SND1: variants seen among roughly 807,000 people sequenced by gnomAD.
SND1 encodes the protein staphylococcal nuclease domain-containing protein 1.
SND1 carries 38 observed loss-of-function variants against 121.7 expected under a neutral mutation model. That is an observed-to-expected ratio of 0.31 (90% CI 0.24 to 0.41). The LOEUF is 0.41. SND1 is among the 10% of genes least tolerant of loss of function. The probability of loss-of-function intolerance (pLI) is 1.00; values close to 1 mark genes in which losing one functional copy is unlikely to be tolerated. For synonymous variants in SND1, 401 were observed against 447.4 expected (o/e 0.90, Z 1.31); for missense variants, 868 against 1,184.6 (o/e 0.73, Z 3.92).
intron 12 of SND1, among the ~76,000 whole-genome samples, chr7:127,846,484 G>C (rs1007806675): frequency 6.6e-6 from 1 of 152,152 alleles, no homozygotes; most frequent in Non-Finnish European, 1.5e-5. Context: ...GGAATTTACT[G>C]ATACTGAAAC....
intron 11 of SND1, among the ~76,000 whole-genome samples, chr7:127,813,987 G>A (rs1409295110): frequency 6.6e-6 from 1 of 152,146 alleles, no homozygotes; most frequent in Non-Finnish European, 1.5e-5. Flanking sequence ...CTCACCTGAG[G>A]GAAATGATTT....
At chr7:127,899,192 G>C (rs3808086) in intron 13 of SND1, among the ~76,000 whole-genome samples, 43,205 of 151,942 alleles carry the variant, frequency 0.28, 7,698 homozygotes, top group East Asian at 0.71. Flanking sequence ...TCTAGATACA[G>C]AAATAAAGAT....
intron 15 of SND1, among the ~76,000 whole-genome samples, chr7:127,931,033 G>A (rs955517143): frequency 6.6e-6 from 1 of 151,934 alleles, no homozygotes; most frequent in African/African-American, 2.4e-5. Context: ...AATTGTTTCG[G>A]GTCGCCATGA....
intron 12 of SND1, among the ~76,000 whole-genome samples, chr7:127,874,397 T>TA (rs1353598860): frequency 6.6e-6 from 1 of 152,114 alleles, no homozygotes; most frequent in Non-Finnish European, 1.5e-5. Context: ...TAATGACTGT[T>TA]ATCATTTTTT....
At chr7:127,742,495 AC>A (rs1407322531) in intron 10 of SND1, among the ~76,000 whole-genome samples, 1 of 151,424 alleles carries the variant, frequency 6.6e-6, no homozygotes, top group East Asian at 1.9e-4. Context: ...TTCCTGCAAT[AC>A]TTTTTTTTTT....
At chr7:128,002,228 A>G (rs187101799) in intron 16 of SND1, among the ~76,000 whole-genome samples, 1 of 152,330 alleles carries the variant, frequency 6.6e-6, no homozygotes, top group Non-Finnish European at 1.5e-5. Context: ...GATCCTTCTC[A>G]AAACAGGGAT....
intron 16 of SND1, among the ~76,000 whole-genome samples, chr7:128,033,684 A>C (rs1414743850): frequency 6.6e-6 from 1 of 151,908 alleles, no homozygotes; most frequent in East Asian, 1.9e-4. Context: ...TCAAATAATA[A>C]CCTTGTTAGT....
intron 10 of SND1, among the ~76,000 whole-genome samples, chr7:127,756,811 G>A (rs1354526694): frequency 1.3e-5 from 2 of 151,982 alleles, no homozygotes; most frequent in African/African-American, 2.4e-5. Context: ...TTGCACAACG[G>A]TACATATTTT....
intron 3 of SND1, among the ~76,000 whole-genome samples, chr7:127,695,874 G>A (rs997512664): frequency 6.6e-6 from 1 of 152,122 alleles, no homozygotes; most frequent in African/African-American, 2.4e-5. Context: ...GGATATTTGT[G>A]TGTGTGCATA....
At chr7:127,947,874 G>C (rs1299666525) in intron 15 of SND1, among the ~76,000 whole-genome samples, 3 of 152,120 alleles carry the variant, frequency 2.0e-5, no homozygotes, top group East Asian at 1.9e-4. Flanking sequence ...TTTATGGCCA[G>C]TTGTTTTATT....
At chr7:127,798,514 G>A (rs1262883946) in intron 10 of SND1, among the ~76,000 whole-genome samples, 1 of 152,050 alleles carries the variant, frequency 6.6e-6, no homozygotes, top group Non-Finnish European at 1.5e-5. Flanking sequence ...ATGTTTCCTG[G>A]TGTCTTATTT....
chr7:127,901,295 C>T (rs1460253927), intron 13 of SND1, among the ~76,000 whole-genome samples: 1 of 152,118 alleles, frequency 6.6e-6, no homozygotes, highest in Non-Finnish European at 1.5e-5. Flanking sequence ...ATGGTACTCT[C>T]CCTTTGCAGA....
intron 16 of SND1, among the ~76,000 whole-genome samples, chr7:128,016,500 A>G (rs143256407): frequency 3.5e-4 from 54 of 152,280 alleles, no homozygotes; most frequent in Non-Finnish European, 6.6e-4. Flanking sequence ...GTGAGCTCTC[A>G]TGCTGGAGTG....
intron 13 of SND1, among the ~76,000 whole-genome samples, chr7:127,901,435 G>A (rs1800228431): frequency 6.6e-6 from 1 of 152,186 alleles, no homozygotes; most frequent in Non-Finnish European, 1.5e-5. Flanking sequence ...GTGACAAGCA[G>A]AGGGAGGTTT....
chr7:127,766,771 C>CAAAAAAAA (rs59243807), intron 10 of SND1, among the ~76,000 whole-genome samples: 2,973 of 33,312 alleles, frequency 0.089, 627 homozygotes, highest in East Asian at 0.27. Flanking sequence ...GACTTTGTCT[C>CAAAAAAAA]AAAAAAAAAA....
At chr7:127,993,767 C>T (rs769129879) in intron 16 of SND1, among the ~76,000 whole-genome samples, 5 of 152,152 alleles carry the variant, frequency 3.3e-5, no homozygotes, top group Admixed American at 1.3e-4. Flanking sequence ...ATGCCTTCCT[C>T]GGTTACCATA....
chr7:128,031,774 G>T (rs917649005), intron 16 of SND1, among the ~76,000 whole-genome samples: 49 of 145,540 alleles, frequency 3.4e-4, no homozygotes, highest in African/African-American at 1.1e-3. Context: ...GCGCGCAACC[G>T]CCCGTCGCCG....
intron 22 of SND1, among the ~76,000 whole-genome samples, chr7:128,090,066 C>T (rs541836363): frequency 1.3e-5 from 2 of 152,236 alleles, no homozygotes; most frequent in South Asian, 4.2e-4. Flanking sequence ...CAACTCCTAA[C>T]ACCCAGTGCC....
intron 10 of SND1, among the ~76,000 whole-genome samples, chr7:127,762,419 A>G (rs976268807): frequency 1.3e-5 from 2 of 152,190 alleles, no homozygotes; most frequent in African/African-American, 2.4e-5. Flanking sequence ...CTCTCTGCAC[A>G]TGTACCCCCT....
Sources: allele counts gnomAD v4.1 joint callset (sites outside exome capture counted in the v4.1 genomes callset), GRCh38; gene constraint gnomAD v4.1.1; transcripts MANE v1.5; gene names NCBI Gene and HGNC (gene_info 2026-07-23, HGNC 2026-07-21).